Variants in ADAMTS12 observed in about 807,000 individuals in gnomAD.
ADAMTS12 encodes A disintegrin and metalloproteinase with thrombospondin motifs 12.
A neutral mutation model predicts 167.8 loss-of-function variants in ADAMTS12; 118 were observed. The ratio of observed to expected loss-of-function variants is 0.70; its 90% CI spans 0.61 to 0.82. The LOEUF is 0.82. Ranked by LOEUF, ADAMTS12 falls within the 40% of genes least tolerant of loss-of-function variation. The pLI is 0.00. For missense variants in ADAMTS12, 1,916 were observed against 1,998.8 expected, an observed-to-expected ratio of 0.96 and a Z score of 0.79; for synonymous variants, 704 against 716.9, an observed-to-expected ratio of 0.98 and a Z score of 0.29.
At chr5:33,754,684 T>C (rs1745110913) in intron 2 of ADAMTS12, among the ~76,000 whole-genome samples, 1 of 152,220 alleles carries the variant, frequency 6.6e-6, no homozygotes, top group Admixed American at 6.5e-5. Flanking sequence ...GGTGAAACCC[T>C]GTCTCCACTA....
At chr5:33,796,758 G>T (rs368999711) in intron 2 of ADAMTS12, among the ~76,000 whole-genome samples, 49 of 152,214 alleles carry the variant, frequency 3.2e-4, no homozygotes, top group African/African-American at 1.2e-3. Flanking sequence ...GATCCTGTAG[G>T]GTCTATGAAG....
chr5:33,889,153 A>G (rs1645435050), intron 1 of ADAMTS12, among the ~76,000 whole-genome samples: 1 of 152,112 alleles, frequency 6.6e-6, no homozygotes, highest in Admixed American at 6.5e-5. Flanking sequence ...CTTATCCATA[A>G]AAGTAAAAAT....
chr5:33,594,725 T>C (rs1747828299), intron 17 of ADAMTS12, among the ~76,000 whole-genome samples: 1 of 152,138 alleles, frequency 6.6e-6, no homozygotes, highest in Admixed American at 6.5e-5. Flanking sequence ...GGGGTCCAGC[T>C]CCTACCTAGA....
chr5:33,842,303 T>G (rs1230456491), intron 2 of ADAMTS12, among the ~76,000 whole-genome samples: 2 of 152,214 alleles, frequency 1.3e-5, no homozygotes, highest in Non-Finnish European at 2.9e-5. Context: ...TTTGTTGTGG[T>G]CCTCATTCTT....
chr5:33,852,036 C>CAATA (rs899324257), intron 2 of ADAMTS12, among the ~76,000 whole-genome samples: 9 of 152,232 alleles, frequency 5.9e-5, no homozygotes, highest in African/African-American at 2.2e-4. Flanking sequence ...AGACCACTGA[C>CAATA]TATTCCTAAG....
chr5:33,757,187 A>T (rs1745198125), intron 2 of ADAMTS12, among the ~76,000 whole-genome samples: 1 of 152,166 alleles, frequency 6.6e-6, no homozygotes, highest in Non-Finnish European at 1.5e-5. Flanking sequence ...CAAAAATGTG[A>T]CCTACTTCAC....
chr5:33,560,815 AT>A (rs1023500880), intron 20 of ADAMTS12, among the ~76,000 whole-genome samples: 1 of 148,394 alleles, frequency 6.7e-6, no homozygotes, highest in African/African-American at 2.5e-5. Flanking sequence ...GATATACCTA[AT>A]GTAAATGACG....
chr5:33,711,524 G>A (rs955095044), intron 3 of ADAMTS12, among the ~76,000 whole-genome samples: 1 of 152,042 alleles, frequency 6.6e-6, no homozygotes, highest in East Asian at 1.9e-4. Flanking sequence ...AACAGATTTT[G>A]GTGTCCTTCC....
chr5:33,857,177 G>A (rs754908325), intron 2 of ADAMTS12, among the ~76,000 whole-genome samples: 1 of 152,150 alleles, frequency 6.6e-6, no homozygotes, highest in African/African-American at 2.4e-5. Flanking sequence ...AGACAAATAC[G>A]GCATGATCTC....
chr5:33,880,100 G>A (rs1750374051), intron 2 of ADAMTS12, among the ~76,000 whole-genome samples: 1 of 152,200 alleles, frequency 6.6e-6, no homozygotes, highest in South Asian at 2.1e-4. Context: ...GCAGTTGCTG[G>A]TGGGGCCATC....
At chr5:33,575,594 C>G (rs2111959386) in intron 19 of ADAMTS12, among the ~76,000 whole-genome samples, 1 of 152,136 alleles carries the variant, frequency 6.6e-6, no homozygotes, top group East Asian at 1.9e-4. Context: ...TTAAGTCAAC[C>G]ACCAAACAGT....
intron 2 of ADAMTS12, among the ~76,000 whole-genome samples, chr5:33,880,642 TC>T (rs1349152356): frequency 1.3e-5 from 2 of 152,248 alleles, no homozygotes; most frequent in East Asian, 3.8e-4. Flanking sequence ...CACAAAGGGA[TC>T]AACTGACTGC....
chr5:33,731,486 T>A (rs1287559845), intron 3 of ADAMTS12, among the ~76,000 whole-genome samples: 1 of 152,238 alleles, frequency 6.6e-6, no homozygotes, highest in Non-Finnish European at 1.5e-5. Flanking sequence ...CTTTATCAGA[T>A]GCCTTGAAAA....
intron 2 of ADAMTS12, among the ~76,000 whole-genome samples, chr5:33,860,106 C>T (rs1473802483): frequency 7.0e-6 from 1 of 143,456 alleles, no homozygotes; most frequent in Non-Finnish European, 1.5e-5. Flanking sequence ...GCCTCTTCTC[C>T]TCCAAAGGAT....
chr5:33,624,401 C>G (rs752324689), intron 13 of ADAMTS12, 50 bp from the exon 14 acceptor site: 16 of 1,610,668 alleles, frequency 9.9e-6, no homozygotes, highest in Non-Finnish European at 1.3e-5. Flanking sequence ...GGATGCCACT[C>G]TTGCCTGGAT....
intron 2 of ADAMTS12, among the ~76,000 whole-genome samples, chr5:33,800,262 G>A (rs1176437728): frequency 3.3e-5 from 5 of 152,196 alleles, no homozygotes; most frequent in Non-Finnish European, 2.9e-5. Flanking sequence ...TTGCAGAAGG[G>A]AAAAGGTTGG....
At chr5:33,803,047 C>A (rs1280961507) in intron 2 of ADAMTS12, among the ~76,000 whole-genome samples, 7 of 152,118 alleles carry the variant, frequency 4.6e-5, no homozygotes, top group African/African-American at 1.4e-4. Context: ...ATAAGGATGT[C>A]CAGGGAACAG....
intron 2 of ADAMTS12, among the ~76,000 whole-genome samples, chr5:33,768,874 C>T (rs560034283): frequency 4.6e-5 from 7 of 152,000 alleles, no homozygotes; most frequent in African/African-American, 1.7e-4. Context: ...AATGTCCATG[C>T]CCTAATTCCC....
intron 3 of ADAMTS12, among the ~76,000 whole-genome samples, chr5:33,742,280 A>T (rs1412515003): frequency 6.6e-6 from 1 of 151,752 alleles, no homozygotes; most frequent in Non-Finnish European, 1.5e-5. Context: ...TACATTGATA[A>T]TTTCCTCAAA....
Sources: allele counts gnomAD v4.1 joint callset (sites outside exome capture counted in the v4.1 genomes callset), GRCh38; gene constraint gnomAD v4.1.1; transcripts MANE v1.5; gene names NCBI Gene and HGNC (gene_info 2026-07-23, HGNC 2026-07-21).